The following ERBB4 variants were observed in gnomAD, a reference collection of about 807,000 sequenced individuals.
ERBB4 encodes the protein receptor tyrosine-protein kinase erbB-4.
In ERBB4, 42 loss-of-function variants were observed where a neutral mutation model predicts 158.0. That is an observed-to-expected ratio of 0.27 (90% CI 0.21 to 0.34). The LOEUF (loss-of-function observed/expected upper bound fraction) is 0.34, where lower values mean the gene tolerates loss of function less well. Among genes scored for constraint, ERBB4 ranks in the 10% least tolerant of loss-of-function variants. ERBB4 has a pLI of 1.00. For synonymous variants in ERBB4, 583 were observed against 558.7 expected, an observed-to-expected ratio of 1.04 and a Z score of -0.61; for missense variants, 1,333 against 1,624.1, an observed-to-expected ratio of 0.82 and a Z score of 3.08.
At position 212,062,256 on chromosome 2, in the gene ERBB4, T is replaced by C. The variant is rs150849927; in HGVS notation, c.234+62496A>G. Among the ~76,000 whole-genome samples the C allele has an allele frequency of 3.9e-5, 6 of 152,126 alleles. 1 individual carries two copies. In the South Asian group the frequency reaches 1.2e-3, roughly 31 times the overall value. On this transcript the variant is annotated intron_variant, in intron 2 of 27. Coordinates refer to ENST00000342788, the MANE Select transcript of ERBB4 (RefSeq NM_005235.3). ...TAATTGAATAAGATGTAGAAATGAC[T>C]GCTTTTCTACAGATCTCCATTCACG... is the stretch of plus-strand genomic sequence containing the variant.
At chr2:212,519,839 C>A (rs1446341003) in intron 1 of ERBB4, among the ~76,000 whole-genome samples, 2 of 151,800 alleles carry the variant, frequency 1.3e-5, no homozygotes, top group Non-Finnish European at 2.9e-5. Flanking sequence ...GAATAAAGTT[C>A]TAGTGTTCTG....
At chr2:212,008,243 T>C (rs1243649461) in intron 2 of ERBB4, among the ~76,000 whole-genome samples, 1 of 152,088 alleles carries the variant, frequency 6.6e-6, no homozygotes, top group Admixed American at 6.6e-5. Context: ...CAAATTATGA[T>C]ACATCTCGAG....
chr2:211,779,892 C>A (rs1559512201), intron 4 of ERBB4: 1 of 152,172 alleles, frequency 6.6e-6, no homozygotes, highest in African/African-American at 2.4e-5. Flanking sequence ...AATTTATAGG[C>A]TAAACCCTAT....
intron 1 of ERBB4, among the ~76,000 whole-genome samples, chr2:212,355,741 C>T (rs892842329): frequency 2.0e-5 from 3 of 151,708 alleles, no homozygotes; most frequent in African/African-American, 7.3e-5. Flanking sequence ...GTTATATTAA[C>T]TGTGATAGAT....
chr2:211,627,482 T>G (rs1245848778), intron 17 of ERBB4, among the ~76,000 whole-genome samples: 2 of 152,236 alleles, frequency 1.3e-5, no homozygotes, highest in South Asian at 4.1e-4. Flanking sequence ...CCCTAGAAAG[T>G]GTTTTCCTAG....
At chr2:211,619,109 G>T in intron 19 of ERBB4, 68 bp downstream of exon 19, 4 of 932,960 alleles carry the variant, frequency 4.3e-6, no homozygotes, top group Non-Finnish European at 5.3e-6. Flanking sequence ...GTTTTGTTTT[G>T]CTTTAATTAT....
chr2:212,311,198 A>G (rs2087029977), intron 1 of ERBB4, among the ~76,000 whole-genome samples: 1 of 150,922 alleles, frequency 6.6e-6, no homozygotes, highest in East Asian at 2.0e-4. Flanking sequence ...GATAGGGGTC[A>G]TCAAATTTTT....
chr2:211,633,021 A>G (rs758304901), intron 16 of ERBB4, among the ~76,000 whole-genome samples: 7 of 152,148 alleles, frequency 4.6e-5, no homozygotes, highest in Non-Finnish European at 7.4e-5. Context: ...AACATAAATC[A>G]TTAACCACAA....
At chr2:211,597,936 T>G (rs1379825789) in intron 19 of ERBB4, among the ~76,000 whole-genome samples, 1 of 152,170 alleles carries the variant, frequency 6.6e-6, no homozygotes, top group Non-Finnish European at 1.5e-5. Context: ...TCTATTTTAT[T>G]TCATTAATCA....
chr2:211,822,999 A>G (rs1430734552), intron 3 of ERBB4, among the ~76,000 whole-genome samples: 6 of 151,974 alleles, frequency 3.9e-5, no homozygotes, highest in African/African-American at 9.7e-5. Context: ...AGAACTTCCA[A>G]TGCTGTTACA....
chr2:211,750,592 T>C lies in ERBB4; in HGVS notation c.622+47A>G, dbSNP rs971660916. The stretch of plus-strand genomic sequence containing the variant: ...GCATGAAATGGACCAATCATTAAAA[T>C]TCCTTGACCACATCAAACCTGTGTG... On this transcript the variant is annotated intron_variant, in intron 5 of 27. Transcript: ENST00000342788. 8 of 1,498,168 alleles carry C rather than the reference T, an allele frequency of 5.3e-6. No individual in the cohort carries two copies. The African/African-American group carries it at 8.3e-5, about 15-fold the overall frequency. 92.8% of individuals were successfully genotyped at this position (1,498,168 alleles called of 1,614,324 possible).
Position 211,726,116 on chromosome 2 carries a change from C to CT in ERBB4, c.623-923dup, listed in dbSNP as rs373932537. ...CAGGATATGTATAGTATATCACTTC[C>CT]TGGTTTCTGTATTTCCACTTCAGCC... On this transcript the variant is annotated intron_variant, in intron 5 of 27. Coordinates refer to ENST00000342788, the MANE Select transcript of ERBB4 (RefSeq NM_005235.3). Among the ~76,000 whole-genome samples, 74 of 152,064 alleles carry CT rather than the reference C, an allele frequency of 4.9e-4. 2 individuals are homozygous for CT. The highest frequency in any genetic ancestry group is 1.7e-3 in the African/African-American group (71 of 41,504).
At chr2:211,447,348 A>C (rs2064137014) in intron 20 of ERBB4, among the ~76,000 whole-genome samples, 1 of 152,096 alleles carries the variant, frequency 6.6e-6, no homozygotes, top group Non-Finnish European at 1.5e-5. Context: ...AAGCATCCCC[A>C]GCCTGTCATT....
intron 1 of ERBB4, among the ~76,000 whole-genome samples, chr2:212,257,978 A>G (rs993395103): frequency 1.3e-5 from 2 of 152,098 alleles, no homozygotes; most frequent in Non-Finnish European, 2.9e-5. Context: ...CACAGCTCTC[A>G]ATTCATCCTG....
At chr2:212,485,707 CAAAT>C (rs1689935811) in intron 1 of ERBB4, among the ~76,000 whole-genome samples, 3 of 152,280 alleles carry the variant, frequency 2.0e-5, no homozygotes, top group African/African-American at 4.8e-5. Flanking sequence ...GGTTTACAAA[CAAAT>C]AAGTTTATTA....
At chr2:211,807,455 C>G (rs2076646201) in intron 3 of ERBB4, among the ~76,000 whole-genome samples, 1 of 152,092 alleles carries the variant, frequency 6.6e-6, no homozygotes, top group Non-Finnish European at 1.5e-5. Context: ...CATCCATGTC[C>G]CTACAAAGGA....
chr2:211,766,902 A>G (rs2075562545), intron 4 of ERBB4, among the ~76,000 whole-genome samples: 1 of 152,200 alleles, frequency 6.6e-6, no homozygotes, highest in Admixed American at 6.5e-5. Context: ...CAGACTGGTC[A>G]TGTCGGCCTT....
chr2:211,783,627 A>T (rs2076087126), intron 4 of ERBB4, among the ~76,000 whole-genome samples: 1 of 152,180 alleles, frequency 6.6e-6, no homozygotes, highest in African/African-American at 2.4e-5. Flanking sequence ...TGAGATAATC[A>T]CGTGGTTTTT....
At chr2:211,635,464 T>C (rs2070322337) in intron 16 of ERBB4, among the ~76,000 whole-genome samples, 1 of 152,194 alleles carries the variant, frequency 6.6e-6, no homozygotes, top group Non-Finnish European at 1.5e-5. Flanking sequence ...CTAAAATATG[T>C]ATATTCTTAA....
Sources: allele counts gnomAD v4.1 joint callset (sites outside exome capture counted in the v4.1 genomes callset), GRCh38; gene constraint gnomAD v4.1.1; transcripts MANE v1.5; gene names NCBI Gene and HGNC (gene_info 2026-07-23, HGNC 2026-07-21).